KCNH2: variants seen among roughly 807,000 people sequenced by gnomAD.
KCNH2 encodes the protein potassium voltage-gated channel subfamily H member 2.
In KCNH2, 35 loss-of-function variants were observed where a neutral mutation model predicts 95.9. That is an observed-to-expected ratio of 0.37 (90% confidence interval 0.28 to 0.48). The LOEUF (loss-of-function observed/expected upper bound fraction) is 0.48. Ranked by LOEUF, KCNH2 falls within the 20% of genes least tolerant of loss-of-function variation. The pLI is 0.99. For synonymous variants in KCNH2, 786 were observed against 754.7 expected, an observed-to-expected ratio of 1.04 and a Z score of -0.68; for missense variants, 1,274 against 1,702.9, an observed-to-expected ratio of 0.75 and a Z score of 4.43.
chr7:150,958,529 G>A (rs1283163937), intron 3 of KCNH2, 27 bp from the exon 4 acceptor site: 3 of 1,470,064 alleles, frequency 2.0e-6, no homozygotes, highest in Non-Finnish European at 2.7e-6. Flanking sequence ...GCACGTGGTC[G>A]TGGGGATCGC....
At chr7:150,959,855 C>G in intron 2 of KCNH2, 119 bp from the exon 3 acceptor site, 1 of 1,137,916 alleles carries the variant, frequency 8.8e-7, no homozygotes, top group Middle Eastern at 2.4e-4. Context: ...CCGTATGGCC[C>G]TTCCTCTCCG....
At chr7:150,953,672 C>CT (rs1404144074) in intron 5 of KCNH2, among the ~76,000 whole-genome samples, 4 of 152,226 alleles carry the variant, frequency 2.6e-5, no homozygotes, top group Non-Finnish European at 4.4e-5. Flanking sequence ...GCACGTCCCT[C>CT]TTGCTCCCAA....
chr7:150,945,936 G>A lies in KCNH2; in HGVS notation c.3331-422C>T, dbSNP rs1409549331. On this transcript the variant is annotated intron_variant, in intron 14 of 14. Transcript: ENST00000262186. The surrounding 1 kb of genome is among the most constrained non-coding windows in gnomAD (Gnocchi z 5.6). ...AAGAACTCGGGGACCTAGAAACAGA[G>A]GCAGGCTGGCGGCCAGGCATCTGAA... Among the ~76,000 whole-genome samples, 2 of 152,208 alleles carry A rather than the reference G, an allele frequency of 1.3e-5. No individual in the cohort carries two copies. The highest frequency in any genetic ancestry group is 1.5e-5 in the Non-Finnish European group (1 of 68,032).
chr7:150,975,175 G>A (rs1056726521), intron 1 of KCNH2, among the ~76,000 whole-genome samples: 3 of 151,956 alleles, frequency 2.0e-5, no homozygotes, highest in East Asian at 1.9e-4. Context: ...CCGCGGGCGG[G>A]CTGCGTGGCT....
intron 2 of KCNH2, among the ~76,000 whole-genome samples, chr7:150,968,865 G>C (rs1323788223): frequency 1.3e-5 from 2 of 152,184 alleles, no homozygotes; most frequent in African/African-American, 4.8e-5. Flanking sequence ...GCAACAGCAC[G>C]GGCTAGGAGC....
At chr7:150,955,927 G>T in intron 5 of KCNH2, 1 of 831,776 alleles carries the variant, frequency 1.2e-6, no homozygotes. Context: ...GCCCGCCCAG[G>T]CTCCTGCAGC....
chr7:150,947,341 G>A lies in KCNH2; in HGVS notation c.3139C>T (p.Arg1047Cys), dbSNP rs377095107. 1.0e-5 allele frequency: 16 copies of A among 1,542,972 alleles called. No homozygotes were observed. The highest frequency in any genetic ancestry group is 1.8e-4 in the Middle Eastern group (1 of 5,502). ...GCACTCCCTCACCTGTTGAGCTGGC[G>A]CTGGAGGGCATCCAGCCTGCTCTCC... ...DVESRLDALQ[R>C]QLNRLETRLS... Residue 1047 changes from arginine to cysteine, a missense_variant, in exon 13 of 15, where the codon CGC becomes TGC. Arg to Cys is a radical substitution (Grantham distance 180). This residue lies in a region of KCNH2 where 457 missense variants were observed against 416.1 expected (regional missense o/e 1.10). Transcript: ENST00000262186.
chr7:150,952,108 C>T lies in KCNH2; in HGVS notation c.1558-273G>A, dbSNP rs866230922. Among the ~76,000 whole-genome samples the T allele has an allele frequency of 1.3e-5, 2 of 152,194 alleles. No individual in the cohort carries two copies. Among genetic ancestry groups the T allele is most frequent in the Non-Finnish European group, 2.9e-5 (2 of 68,014 alleles). ...TCACCCTAGGGTGCCTGCCCACTCCCACCAGCTTCTAGGGCACTTTGGTGA... is the reference window on the plus strand; with the variant it reads ...TCACCCTAGGGTGCCTGCCCACTCCTACCAGCTTCTAGGGCACTTTGGTGA... On this transcript the variant is annotated intron_variant, in intron 6 of 14. Transcript: ENST00000262186. The surrounding 1 kb of genome is among the most constrained non-coding windows in gnomAD (Gnocchi z 7.3).
intron 2 of KCNH2, among the ~76,000 whole-genome samples, chr7:150,970,303 C>T (rs974288019): frequency 1.3e-5 from 2 of 151,790 alleles, no homozygotes; most frequent in Non-Finnish European, 2.9e-5. Flanking sequence ...TGCCCCATGG[C>T]CCCCCTCCCC....
At position 150,955,675 on chromosome 7, in the gene KCNH2, C is replaced by G. The variant is rs1584861281; in HGVS notation, c.1128+1616G>C. ...GGGTGGTTGTGGCTGGGCCCCAGGG[C>G]TGGGGTCACCCTGGCAGTAAGCGTG... On this transcript the variant is annotated intron_variant, in intron 5 of 14. Transcript: ENST00000262186. 5.3e-5 allele frequency: 74 copies of G among 1,396,952 alleles called. 1 individual carries two copies. In the South Asian group the frequency reaches 1.2e-3, roughly 23 times the overall value. The allele number at this position is 1,396,952 out of a possible 1,614,324, so 86.5% of individuals were successfully genotyped here. A position where few individuals can be genotyped will look rare whatever the true frequency, so the allele number is the denominator to read the frequency against.
In KCNH2 at chr7:150,957,572, G is replaced by T. The variant is rs996665847; in HGVS notation, c.917-70C>A. ...AGGCCAGGCAGGCCACCCATAGATC[G>T]AGAGTGGAGACCAGGCCCTGCACAG... On this transcript the variant is annotated intron_variant, in intron 4 of 14. Coordinates refer to ENST00000262186, the MANE Select transcript of KCNH2 (RefSeq NM_000238.4). 3.5e-6 allele frequency: 4 copies of T among 1,133,886 alleles called. No individual in the cohort carries two copies. The African/African-American group carries it at 4.6e-5, about 13-fold the overall frequency. The allele number at this position is 1,133,886 out of a possible 1,614,324, so 70.2% of individuals were successfully genotyped here.
Position 150,962,866 on chromosome 7 carries a change from G to A in KCNH2, c.308-3130C>T, listed in dbSNP as rs1451697549. ...GCCTGGGCTCTCAGAGGCACTGCCT[G>A]CAACCACCCTGCCGCGTCGGCTGGG... On this transcript the variant is annotated intron_variant, in intron 2 of 14. Coordinates refer to ENST00000262186, the MANE Select transcript of KCNH2 (RefSeq NM_000238.4). The surrounding 1 kb of genome is among the most constrained non-coding windows in gnomAD (Gnocchi z 5.7). Among the ~76,000 whole-genome samples, 1 of 152,168 alleles carries A rather than the reference G, an allele frequency of 6.6e-6. No homozygotes were observed. Among genetic ancestry groups the A allele is most frequent in the Admixed American group, 6.5e-5 (1 of 15,274 alleles).
At position 150,950,529 on chromosome 7, in the gene KCNH2, C is replaced by T. The variant is rs905552861; in HGVS notation, c.2146-109G>A. Reference sequence around the variant, plus strand: ...TGTCAGAGAAATCTCAACCTCCAGGCCTGGGAGATCTCGGAAGCATCAGGG... The same window carrying T: ...TGTCAGAGAAATCTCAACCTCCAGGTCTGGGAGATCTCGGAAGCATCAGGG... On this transcript the variant is annotated intron_variant, in intron 8 of 14. Transcript: ENST00000262186. 5.7e-6 allele frequency: 8 copies of T among 1,409,542 alleles called. No homozygotes were observed. In the African/African-American group the frequency reaches 9.9e-5, roughly 18 times the overall value. 87.3% of individuals were successfully genotyped at this position (1,409,542 alleles called of 1,614,324 possible).
At chr7:150,974,600 G>C (rs987603239) in intron 2 of KCNH2, 111 bp downstream of exon 2, 50 of 918,946 alleles carry the variant, frequency 5.4e-5, no homozygotes, top group Non-Finnish European at 6.0e-5. Flanking sequence ...GGCTCGGGGC[G>C]TTCTCCAGCC....
At chr7:150,977,785 A>C in intron 1 of KCNH2, 53 bp downstream of exon 1, 1 of 1,016,234 alleles carries the variant, frequency 9.8e-7, no homozygotes, top group Non-Finnish European at 1.4e-6. Flanking sequence ...CACTCGGAAG[A>C]GCTCGGCCCG....
intron 5 of KCNH2, chr7:150,955,885 C>T (rs1801359547): frequency 1.0e-6 from 1 of 995,380 alleles, no homozygotes; most frequent in South Asian, 4.7e-5. Context: ...CCCCGCCCCG[C>T]CGGTGCCCAG....
At chr7:150,956,507 C>A (rs1438660008) in intron 5 of KCNH2, among the ~76,000 whole-genome samples, 1 of 152,216 alleles carries the variant, frequency 6.6e-6, no homozygotes. Context: ...CCCACCCACC[C>A]CCAGCCCCCA....
rs958442820 is a variant in KCNH2 at position 150,947,836 on chromosome 7, C to T, written c.2735G>A (p.Arg912Gln). 1.9e-5 allele frequency: 29 copies of T among 1,525,164 alleles called. No individual in the cohort carries two copies. Among genetic ancestry groups the T allele is most frequent in the Admixed American group, 1.0e-4 (5 of 49,458 alleles). The allele number at this position is 1,525,164 out of a possible 1,614,324, so 94.5% of individuals were successfully genotyped here. A position where few individuals can be genotyped will look rare whatever the true frequency, so the allele number is the denominator to read the frequency against. Reference protein sequence around the residue: ...PGEVSALGPGRAGAGPSSRGR... With the variant: ...PGEVSALGPGQAGAGPSSRGR... ...CCGGCTACTCGGCCCTGCCCCCGCC[C>T]GGCCCGGCCCCAAGGCCGACACCTC... The change falls in exon 12 of 15, where the codon CGG becomes CAG. Residue 912 changes from arginine (R) to glutamine (Q), a missense_variant. Coordinates refer to ENST00000262186, the MANE Select transcript of KCNH2 (RefSeq NM_000238.4).
At chr7:150,969,871 C>A (rs1801794807) in intron 2 of KCNH2, among the ~76,000 whole-genome samples, 1 of 152,148 alleles carries the variant, frequency 6.6e-6, no homozygotes, top group Non-Finnish European at 1.5e-5. Flanking sequence ...CTGAGGCCAA[C>A]CACAGGCCAC....
Sources: allele counts gnomAD v4.1 joint callset (sites outside exome capture counted in the v4.1 genomes callset), GRCh38; gene constraint gnomAD v4.1.1; regional missense constraint gnomAD v4.1.1; non-coding constraint Gnocchi (gnomAD v3.1); transcripts MANE v1.5; gene names NCBI Gene and HGNC (gene_info 2026-07-23, HGNC 2026-07-21).